Variants in CNTN4 observed in about 807,000 individuals in gnomAD.
CNTN4 encodes contactin 4.
In CNTN4, 77 loss-of-function variants were observed where a neutral mutation model predicts 122.5. The observed-to-expected ratio is 0.63, with a 90% CI of 0.52 to 0.76. CNTN4 has a LOEUF of 0.76. Ranked by LOEUF, CNTN4 falls within the 30% of genes least tolerant of loss-of-function variation. The probability of loss-of-function intolerance (pLI) is 0.00; values close to 1 mark genes in which losing one functional copy is unlikely to be tolerated. For missense variants in CNTN4, 1,256 were observed against 1,259.1 expected (o/e 1.00, Z 0.04); for synonymous variants, 512 against 447.0 (o/e 1.15, Z -1.83).
intron 3 of CNTN4, among the ~76,000 whole-genome samples, chr3:2,449,212 T>G (rs1215710256): frequency 6.6e-6 from 1 of 152,226 alleles, no homozygotes; most frequent in Non-Finnish European, 1.5e-5. Flanking sequence ...AGATCATTAT[T>G]TGAAAGATAG....
In CNTN4 at chr3:2,725,949, G is replaced by A. The variant is rs148023676; in HGVS notation, c.56-10266G>A. Among the ~76,000 whole-genome samples, 669 of 152,266 alleles carry A rather than the reference G, an allele frequency of 4.4e-3. 10 individuals carry two copies. The highest frequency in any genetic ancestry group is 0.015 in the African/African-American group (642 of 41,536). On this transcript the variant is annotated intron_variant, in intron 4 of 24. Transcript: ENST00000418658. ...GTTGATCAGGAGTTTCTTAGGTACA[G>A]CTGATAACAACTGCAACTCAGATTT...
chr3:2,542,671 T>C (rs1266347081), intron 3 of CNTN4, among the ~76,000 whole-genome samples: 1 of 152,148 alleles, frequency 6.6e-6, no homozygotes, highest in Admixed American at 6.6e-5. Context: ...ACTCACAGCA[T>C]GAGGCTTCTG....
chr3:2,818,106 G>A (rs2092780341), intron 6 of CNTN4, among the ~76,000 whole-genome samples: 1 of 152,194 alleles, frequency 6.6e-6, no homozygotes, highest in African/African-American at 2.4e-5. Flanking sequence ...TGTCAGACCT[G>A]CCTGCTTGAG....
At chr3:2,218,519 A>G (rs2038938479) in intron 2 of CNTN4, among the ~76,000 whole-genome samples, 1 of 152,198 alleles carries the variant, frequency 6.6e-6, no homozygotes, top group Non-Finnish European at 1.5e-5. Context: ...TGGGCAATAT[A>G]GTGAGAATCC....
At chr3:2,961,209 G>A (rs113020337) in intron 13 of CNTN4, among the ~76,000 whole-genome samples, 3,833 of 104,788 alleles carry the variant, frequency 0.037, 95 homozygotes, top group East Asian at 0.09. Context: ...CAGCCTGGGC[G>A]ACAGAACGAG....
At chr3:2,489,768 A>G (rs2076261987) in intron 3 of CNTN4, among the ~76,000 whole-genome samples, 1 of 152,158 alleles carries the variant, frequency 6.6e-6, no homozygotes. Flanking sequence ...AAGATGATGG[A>G]ATTTAGTCTT....
At chr3:2,763,564 A>G (rs1334533886) in intron 6 of CNTN4, among the ~76,000 whole-genome samples, 2 of 152,134 alleles carry the variant, frequency 1.3e-5, no homozygotes, top group Non-Finnish European at 2.9e-5. Context: ...GCCCGTGCCT[A>G]TGTCCTGAAT....
intron 23 of CNTN4, among the ~76,000 whole-genome samples, chr3:3,044,232 G>C (rs1453014026): frequency 6.6e-6 from 1 of 152,170 alleles, no homozygotes; most frequent in Admixed American, 6.5e-5. Flanking sequence ...CATGTCTGTA[G>C]CCTTCTTGCA....
intron 3 of CNTN4, among the ~76,000 whole-genome samples, chr3:2,379,998 G>A (rs1181387522): frequency 2.7e-5 from 4 of 150,694 alleles, no homozygotes; most frequent in Non-Finnish European, 5.9e-5. Context: ...TGGAGGTTGC[G>A]GTGAGCTGAG....
At chr3:2,579,433 C>T (rs13096258) in intron 4 of CNTN4, among the ~76,000 whole-genome samples, 13,596 of 152,186 alleles carry the variant, frequency 0.089, 820 homozygotes, top group Non-Finnish European at 0.13. Flanking sequence ...GGAGACACTG[C>T]AGAGCTGGCG....
At chr3:2,597,462 T>C (rs9819935) in intron 4 of CNTN4, among the ~76,000 whole-genome samples, 21,398 of 152,132 alleles carry the variant, frequency 0.14, 2,818 homozygotes, top group African/African-American at 0.34. Context: ...TTAATAAAAA[T>C]GCGAAAGTAT....
chr3:2,547,500 A>G (rs983486070), intron 3 of CNTN4, among the ~76,000 whole-genome samples: 2 of 152,074 alleles, frequency 1.3e-5, no homozygotes, highest in African/African-American at 4.8e-5. Flanking sequence ...TCCTGACCTC[A>G]GGTGATCTGC....
At chr3:2,744,818 A>C (rs9822614) in intron 5 of CNTN4, among the ~76,000 whole-genome samples, 1 of 152,096 alleles carries the variant, frequency 6.6e-6, no homozygotes, top group African/African-American at 2.4e-5. Flanking sequence ...TAAATACTCT[A>C]GTCACATACA....
chr3:2,333,595 T>C (rs2043824025), intron 2 of CNTN4, among the ~76,000 whole-genome samples: 1 of 152,236 alleles, frequency 6.6e-6, no homozygotes, highest in African/African-American at 2.4e-5. Flanking sequence ...GTATTTTGTT[T>C]ACTTTGAGTG....
chr3:2,873,972 T>C (rs2093815152), intron 8 of CNTN4, among the ~76,000 whole-genome samples: 1 of 152,228 alleles, frequency 6.6e-6, no homozygotes, highest in Non-Finnish European at 1.5e-5. Flanking sequence ...ATTTTAATTC[T>C]CTGACAACAT....
At chr3:2,252,762 A>G (rs1021474907) in intron 2 of CNTN4, among the ~76,000 whole-genome samples, 6 of 152,072 alleles carry the variant, frequency 3.9e-5, no homozygotes, top group African/African-American at 1.4e-4. Flanking sequence ...TGATCCACTG[A>G]TTTGTCTTCC....
At chr3:2,245,330 T>C (rs1469011180) in intron 2 of CNTN4, among the ~76,000 whole-genome samples, 1 of 152,076 alleles carries the variant, frequency 6.6e-6, no homozygotes, top group Non-Finnish European at 1.5e-5. Flanking sequence ...TCCAGCACAG[T>C]TTAACAAACA....
intron 3 of CNTN4, among the ~76,000 whole-genome samples, chr3:2,341,090 G>A (rs536554764): frequency 2.0e-5 from 3 of 152,260 alleles, no homozygotes; most frequent in African/African-American, 4.8e-5. Context: ...TAGATGTGCT[G>A]TGTTTTCCCT....
At chr3:2,440,084 A>G (rs972188591) in intron 3 of CNTN4, among the ~76,000 whole-genome samples, 4 of 152,206 alleles carry the variant, frequency 2.6e-5, no homozygotes, top group Non-Finnish European at 2.9e-5. Flanking sequence ...CATAAATATT[A>G]TATTTGTAAA....
Sources: allele counts gnomAD v4.1 joint callset (sites outside exome capture counted in the v4.1 genomes callset), GRCh38; gene constraint gnomAD v4.1.1; transcripts MANE v1.5; gene names NCBI Gene and HGNC (gene_info 2026-07-23, HGNC 2026-07-21).